Variants in PTPRD observed in about 807,000 individuals in gnomAD.
The protein encoded by PTPRD is protein tyrosine phosphatase receptor type D, also known as receptor-type tyrosine-protein phosphatase delta.
PTPRD carries 34 observed loss-of-function variants against 214.5 expected under a neutral mutation model. That is an observed-to-expected ratio of 0.16 (90% CI 0.12 to 0.21). PTPRD has a LOEUF of 0.21. PTPRD is among the 10% of genes least tolerant of loss of function. The pLI is 1.00. For synonymous variants in PTPRD, 1,128 were observed against 845.7 expected, an observed-to-expected ratio of 1.33 and a Z score of -5.79; for missense variants, 2,545 against 2,398.7, an observed-to-expected ratio of 1.06 and a Z score of -1.27.
At chr9:9,884,980 G>C (rs2070290021) in intron 5 of PTPRD, among the ~76,000 whole-genome samples, 2 of 152,152 alleles carry the variant, frequency 1.3e-5, no homozygotes, top group South Asian at 4.1e-4. Flanking sequence ...ACTAATACAA[G>C]GTGGCTTTCA....
At position 9,272,092 on chromosome 9, in the gene PTPRD, C is replaced by T. The variant is rs541886950; in HGVS notation, c.-202-88729G>A. Among the ~76,000 whole-genome samples, 148 of 151,144 alleles carry T rather than the reference C, an allele frequency of 9.8e-4. 1 individual carries two copies. The highest frequency in any genetic ancestry group is 3.4e-3 in the Middle Eastern group (1 of 292). ...AGCAATTCCCCCCACCCCATACTGC[C>T]TGCTGAGACTGTCAGAGAATTAAAA... On this transcript the variant is annotated intron_variant, in intron 9 of 45. Coordinates refer to ENST00000381196, the MANE Select transcript of PTPRD (RefSeq NM_002839.4).
intron 5 of PTPRD, among the ~76,000 whole-genome samples, chr9:9,931,241 A>T (rs1456616054): frequency 6.6e-6 from 1 of 152,204 alleles, no homozygotes; most frequent in Non-Finnish European, 1.5e-5. Flanking sequence ...GCCGAATAGG[A>T]ACAGCTCCGG....
intron 2 of PTPRD, among the ~76,000 whole-genome samples, chr9:10,393,749 T>C (rs1415984183): frequency 6.8e-6 from 1 of 147,258 alleles, no homozygotes; most frequent in Non-Finnish European, 1.5e-5. Context: ...TAATCAAATA[T>C]TTAAATAAAT....
chr9:9,589,864 A>T (rs897538861), intron 7 of PTPRD, among the ~76,000 whole-genome samples: 10 of 151,956 alleles, frequency 6.6e-5, no homozygotes, highest in African/African-American at 1.9e-4. Context: ...AGCAAGGGAA[A>T]TAAGCACACG....
chr9:9,603,331 C>A (rs1375887638), intron 7 of PTPRD, among the ~76,000 whole-genome samples: 1 of 152,114 alleles, frequency 6.6e-6, no homozygotes, highest in African/African-American at 2.4e-5. Context: ...ACAGACTAAA[C>A]AAATTCAATA....
At chr9:9,650,008 G>C (rs1321475634) in intron 7 of PTPRD, among the ~76,000 whole-genome samples, 1 of 152,130 alleles carries the variant, frequency 6.6e-6, no homozygotes, top group East Asian at 1.9e-4. Context: ...GAATGATATG[G>C]TTTGGTTCTG....
At chr9:8,934,423 A>ATATATATATATATATATAAATT in intron 11 of PTPRD, among the ~76,000 whole-genome samples, 1 of 60,040 alleles carries the variant, frequency 1.7e-5, no homozygotes, top group Admixed American at 3.1e-4. Flanking sequence ...GTGTGTGTGT[A>ATATATATATATATATATAAATT]TATATATATA....
intron 3 of PTPRD, among the ~76,000 whole-genome samples, chr9:10,215,422 A>G (rs74467271): frequency 0.018 from 2,745 of 152,250 alleles, 88 homozygotes; most frequent in African/African-American, 0.062. Context: ...CAGTATTCTT[A>G]GATATCAGGG....
At chr9:10,237,452 G>C (rs2099632779) in intron 3 of PTPRD, among the ~76,000 whole-genome samples, 1 of 151,734 alleles carries the variant, frequency 6.6e-6, no homozygotes, top group Admixed American at 6.6e-5. Flanking sequence ...AATTTCTTAA[G>C]GGATACATAC....
chr9:8,786,441 G>A (rs375921162), intron 11 of PTPRD, among the ~76,000 whole-genome samples: 9 of 115,874 alleles, frequency 7.8e-5, no homozygotes, highest in African/African-American at 2.4e-4. Context: ...ACAGAGTCTC[G>A]CTCTGTCGCC....
chr9:10,565,097 T>G (rs2065199992), intron 2 of PTPRD, among the ~76,000 whole-genome samples: 1 of 152,016 alleles, frequency 6.6e-6, no homozygotes, highest in Non-Finnish European at 1.5e-5. Flanking sequence ...ACAGACACTG[T>G]GATATACATA....
chr9:9,338,386 T>A (rs1375177905), intron 9 of PTPRD, among the ~76,000 whole-genome samples: 1 of 152,150 alleles, frequency 6.6e-6, no homozygotes, highest in Non-Finnish European at 1.5e-5. Flanking sequence ...AAACAACGAG[T>A]TGATTTGCAT....
At chr9:8,951,658 G>C (rs1435302313) in intron 11 of PTPRD, among the ~76,000 whole-genome samples, 1 of 151,770 alleles carries the variant, frequency 6.6e-6, no homozygotes, top group African/African-American at 2.4e-5. Flanking sequence ...AATTATTCTG[G>C]ACTCCATTCT....
chr9:8,657,453 G>A (rs2096934715), intron 12 of PTPRD, among the ~76,000 whole-genome samples: 1 of 152,136 alleles, frequency 6.6e-6, no homozygotes, highest in Admixed American at 6.5e-5. Context: ...ACAGGCGTGA[G>A]CCACCGTGCC....
intron 31 of PTPRD, among the ~76,000 whole-genome samples, chr9:8,468,305 A>G (rs1311797481): frequency 4.6e-5 from 7 of 151,996 alleles, no homozygotes; most frequent in Non-Finnish European, 1.0e-4. Flanking sequence ...TTGCAGTTAC[A>G]ACCACAAATG....
chr9:9,494,850 T>C (rs1398207233), intron 8 of PTPRD, among the ~76,000 whole-genome samples: 2 of 152,154 alleles, frequency 1.3e-5, no homozygotes, highest in South Asian at 2.1e-4. Context: ...GACCCTGGAT[T>C]ACCAAAACAA....
chr9:10,164,008 A>G (rs1257254783), intron 3 of PTPRD, among the ~76,000 whole-genome samples: 1 of 151,448 alleles, frequency 6.6e-6, no homozygotes, highest in Non-Finnish European at 1.5e-5. Context: ...ACACACCTAG[A>G]CCCAGAATTC....
chr9:10,245,289 A>T (rs1382789604), intron 3 of PTPRD, among the ~76,000 whole-genome samples: 1 of 152,192 alleles, frequency 6.6e-6, no homozygotes, highest in Non-Finnish European at 1.5e-5. Flanking sequence ...ATTCCTTTAC[A>T]TACAGAGTAA....
chr9:9,430,406 C>A (rs2082629697), intron 8 of PTPRD, among the ~76,000 whole-genome samples: 1 of 151,464 alleles, frequency 6.6e-6, no homozygotes. Flanking sequence ...TAAAAGAGGA[C>A]ACAAACAAAT....
Sources: allele counts gnomAD v4.1 joint callset (sites outside exome capture counted in the v4.1 genomes callset), GRCh38; gene constraint gnomAD v4.1.1; transcripts MANE v1.5; gene names NCBI Gene and HGNC (gene_info 2026-07-23, HGNC 2026-07-21).